UBXN6: variants seen among roughly 807,000 people sequenced by gnomAD.
UBXN6 encodes the protein UBX domain-containing protein 6.
UBXN6 carries 44 observed loss-of-function variants against 51.4 expected under a neutral mutation model. The observed-to-expected ratio is 0.86, with a 90% CI of 0.67 to 1.10. The LOEUF (loss-of-function observed/expected upper bound fraction) is 1.10. Ranked by LOEUF, UBXN6 falls within the 50% of genes least tolerant of loss-of-function variation. The pLI is 0.00. For synonymous variants in UBXN6, 316 were observed against 263.2 expected, an observed-to-expected ratio of 1.20 and a Z score of -1.94; for missense variants, 672 against 596.1, an observed-to-expected ratio of 1.13 and a Z score of -1.32.
At position 4,446,613 on chromosome 19, in the gene UBXN6, C is replaced by T; in HGVS notation, c.807G>A (p.Lys269=). The T allele has an allele frequency of 6.2e-7, 1 of 1,612,684 alleles. No individual in the cohort carries two copies. Among genetic ancestry groups the T allele is most frequent in the Non-Finnish European group, 8.5e-7 (1 of 1,179,868 alleles). The change falls in exon 8 of 11, where the codon AAG becomes AAA. Residue 269 remains lysine (K), a synonymous_variant. Coordinates refer to ENST00000301281, the MANE Select transcript of UBXN6 (RefSeq NM_025241.3). ...QLLAAEPVRA[K]LDRQRRVFQP... is the part of the protein sequence containing the mutation. Reference sequence around the variant, plus strand: ...GGAAGACGCGGCGCTGCCTGTCCAGCTTGGCGCGCACGGGCTCCGCAGCCA... The same window carrying T: ...GGAAGACGCGGCGCTGCCTGTCCAGTTTGGCGCGCACGGGCTCCGCAGCCA...
chr19:4,453,946 G>C lies in UBXN6; in HGVS notation c.231C>G (p.Asp77Glu), dbSNP rs747786324. Residue 77 changes from aspartate (D) to glutamate (E), a missense_variant, in exon 2 of 11, where the codon GAC becomes GAG. Asp to Glu is a conservative substitution (Grantham distance 45). Transcript: ENST00000301281. Reference sequence around the variant, plus strand: ...ATATCTCACCCTGGTTTCGGATGGTGTCCTGCGATGTGGGGCCCCAGGCCC... The same window carrying C: ...ATATCTCACCCTGGTTTCGGATGGTCTCCTGCGATGTGGGGCCCCAGGCCC... ...QSRAWGPTSQ[D>E]TIRNQVRKEL... 1 of 1,610,526 alleles carries C rather than the reference G, an allele frequency of 6.2e-7. No homozygotes were observed. The highest frequency in any genetic ancestry group is 1.1e-5 in the South Asian group (1 of 91,066).
rs1451733881 is a variant in UBXN6, at chr19:4,457,671, C to T, written c.27G>A (p.Lys9=). The T allele has an allele frequency of 2.5e-6, 4 of 1,599,230 alleles. No homozygotes were observed. Among genetic ancestry groups the T allele is most frequent in the South Asian group, 1.1e-5 (1 of 90,078 alleles). The change falls in exon 1 of 11, where the codon AAG becomes AAA. Residue 9 remains lysine (K), a synonymous_variant. Coordinates refer to ENST00000301281, the MANE Select transcript of UBXN6 (RefSeq NM_025241.3). The stretch of plus-strand genomic sequence containing the variant: ...CCGCGCTCTTGAACTTGATGTCGGC[C>T]TTGAACTCCTGAAAGAATTTCTTCA... MKKFFQEF[K]ADIKFKSAGP...
chr19:4,445,866 G>A, intron 10 of UBXN6, 183 bp downstream of exon 10: 1 of 1,091,606 alleles, frequency 9.2e-7, no homozygotes, highest in African/African-American at 1.6e-5. Flanking sequence ...GAGGCGTGGA[G>A]TAGTTATGAA....
rs1599674849 is a variant in UBXN6, at chr19:4,447,480, A to G, written c.615+70T>C. On this transcript the variant is annotated intron_variant, in intron 6 of 10. Transcript: ENST00000301281. Reference sequence around the variant, plus strand: ...GGGAGCCCACCGCCTGGTGTGGGCCACCACCGGCTCCTGCAGGCCAGCTGC... The same window carrying G: ...GGGAGCCCACCGCCTGGTGTGGGCCGCCACCGGCTCCTGCAGGCCAGCTGC... The G allele has an allele frequency of 4.5e-6, 7 of 1,565,808 alleles. No individual in the cohort carries two copies. The East Asian group carries it at 1.1e-4, about 25-fold the overall frequency.
At chr19:4,456,362 A>C (rs1264061769) in intron 1 of UBXN6, among the ~76,000 whole-genome samples, 1 of 108,722 alleles carries the variant, frequency 9.2e-6, no homozygotes, top group East Asian at 2.5e-4. Context: ...CCCTACCTCC[A>C]TCACCACCCC....
chr19:4,447,677 C>T lies in UBXN6; in HGVS notation c.540-52G>A, dbSNP rs1974566048. On this transcript the variant is annotated intron_variant, in intron 5 of 10. Coordinates refer to ENST00000301281, the MANE Select transcript of UBXN6 (RefSeq NM_025241.3). ...GGCACAGCCCAGGCTGCCCACCCGG[C>T]CCCTCTGTGCCTCCTGCTCCAGGTA... 6 of 1,572,890 alleles carry T rather than the reference C, an allele frequency of 3.8e-6. No homozygotes were observed. In the South Asian group the frequency reaches 5.5e-5, roughly 15 times the overall value.
intron 4 of UBXN6, 147 bp from the exon 5 acceptor site, chr19:4,448,562 G>C (rs769538645): frequency 2.9e-6 from 2 of 695,160 alleles, no homozygotes; most frequent in Non-Finnish European, 4.9e-6. Context: ...AAGGAAAAGA[G>C]AGACCCTCCA....
intron 5 of UBXN6, 139 bp from the exon 6 acceptor site, chr19:4,447,764 G>A (rs1974567924): frequency 3.7e-6 from 3 of 808,848 alleles, no homozygotes; most frequent in African/African-American, 3.4e-5. Context: ...TGACGCGAGG[G>A]CAGCAGACCA....
At chr19:4,454,519 C>CT in intron 1 of UBXN6, among the ~76,000 whole-genome samples, 1 of 152,280 alleles carries the variant, frequency 6.6e-6, no homozygotes, top group Middle Eastern at 3.4e-3. Flanking sequence ...AGCTCCCAGG[C>CT]TCAAGGAATC....
At position 4,452,364 on chromosome 19, in the gene UBXN6, C is replaced by A. The variant is rs1974666896; in HGVS notation, c.441G>T (p.Leu147Phe). The A allele has an allele frequency of 1.2e-6, 2 of 1,613,248 alleles. No individual in the cohort carries two copies. Among genetic ancestry groups the A allele is most frequent in the Admixed American group, 3.3e-5 (2 of 59,954 alleles). ...CAGGAGCACACAGGGTGCCACTCAC[C>A]AAGAGAATGGCCTCCTTGATGCAGG... ...RDACIKEAIL[L>F]HFSTDPVAAS... Residue 147 changes from leucine to phenylalanine, a missense_variant and splice_region_variant, in exon 4 of 11, where the codon TTG becomes TTT. Leu to Phe is a conservative substitution (Grantham distance 22, BLOSUM62 0). Transcript: ENST00000301281.
rs1176244424 is a variant in UBXN6 at position 4,446,908 on chromosome 19, A to G, written c.628T>C (p.Cys210Arg). 2 of 1,613,788 alleles carry G rather than the reference A, an allele frequency of 1.2e-6. No homozygotes were observed. Among genetic ancestry groups the G allele is most frequent in the Non-Finnish European group, 1.7e-6 (2 of 1,179,974 alleles). Residue 210 changes from cysteine (C) to arginine (R), a missense_variant, in exon 7 of 11, where the codon TGC (cysteine) becomes CGC (arginine). Transcript: ENST00000301281. ...QNKVFQERIN[C>R]LEGTHEFFEA... ...AAAAACTCGTGGGTCCCTTCCAGGC[A>G]GTTAATGCGCTCCTGGGGGTGGAGA...
chr19:4,446,325 T>A lies in UBXN6; in HGVS notation c.1009A>T (p.Thr337Ser). 1 of 1,575,082 alleles carries A rather than the reference T, an allele frequency of 6.3e-7. No individual in the cohort carries two copies. Among genetic ancestry groups the A allele is most frequent in the Non-Finnish European group, 8.6e-7 (1 of 1,166,422 alleles). The change falls in exon 9 of 11, where the codon ACG becomes TCG. Residue 337 changes from threonine (T) to serine (S), a missense_variant. Coordinates refer to ENST00000301281, the MANE Select transcript of UBXN6 (RefSeq NM_025241.3). ...TCGGGGAGGCGCACGCGCAGCAGCG[T>A]GTAGTTGTACTTGCGCAGCCCCCGC... is the stretch of plus-strand genomic sequence containing the variant. ...EQRGLRKYNY[T>S]LLRVRLPDGC...
intron 10 of UBXN6, 137 bp downstream of exon 10, chr19:4,445,909 AAGC>A (rs1370836534): frequency 7.3e-7 from 1 of 1,363,954 alleles, no homozygotes; most frequent in Non-Finnish European, 9.8e-7. Context: ...GTAAGTGGGA[AAGC>A]AGGATTCAAA....
chr19:4,455,293 T>C, intron 1 of UBXN6: 1 of 985,496 alleles, frequency 1.0e-6, no homozygotes, highest in Non-Finnish European at 1.2e-6. Flanking sequence ...TCAAGCCCTA[T>C]ACTCCTCTGG....
Position 4,446,082 on chromosome 19 carries a change from C to T in UBXN6, c.1167G>A (p.Glu389=), listed in dbSNP as rs1338354377. The T allele has an allele frequency of 2.5e-6, 4 of 1,612,722 alleles. No homozygotes were observed. The East Asian group carries it at 6.7e-5, about 27-fold the overall frequency. ...LLASGGQKLS[E]DENLALNECG... The stretch of plus-strand genomic sequence containing the variant: ...ACTCGTTCAAGGCCAGGTTCTCGTC[C>T]TCGGACAGCTTCTGCCCTCCCGAGG... The change falls in exon 10 of 11, where the codon GAG becomes GAA. Residue 389 remains glutamate (E), a synonymous_variant. Transcript: ENST00000301281.
chr19:4,457,410 G>GC (rs1974753875), intron 1 of UBXN6, among the ~76,000 whole-genome samples: 1 of 86,916 alleles, frequency 1.2e-5, no homozygotes, highest in Non-Finnish European at 2.2e-5. Flanking sequence ...CTCCTGCCCC[G>GC]CCCCCAGATC....
At chr19:4,456,537 G>A (rs950535066) in intron 1 of UBXN6, among the ~76,000 whole-genome samples, 3 of 151,574 alleles carry the variant, frequency 2.0e-5, no homozygotes, top group Admixed American at 6.6e-5. Flanking sequence ...TGGCCAGCCA[G>A]CTCCCTGCAG....
At chr19:4,454,498 C>T (rs1458760203) in intron 1 of UBXN6, among the ~76,000 whole-genome samples, 1 of 152,190 alleles carries the variant, frequency 6.6e-6, no homozygotes, top group Non-Finnish European at 1.5e-5. Context: ...TCATGGCTTA[C>T]TGCAATCCTG....
In UBXN6 at chr19:4,445,864, G is replaced by A. The variant is rs772242326; in HGVS notation, c.1200+185C>T. The stretch of plus-strand genomic sequence containing the variant: ...CATTTGATGGGGAAACTGAGGCGTG[G>A]AGTAGTTATGAACTTGCTCGAGGCC... On this transcript the variant is annotated intron_variant, in intron 10 of 10. Transcript: ENST00000301281. 73 of 1,079,064 alleles carry A rather than the reference G, an allele frequency of 6.8e-5. 2 individuals are homozygous for A. In the South Asian group the frequency reaches 1.1e-3, roughly 16 times the overall value. The allele number at this position is 1,079,064 out of a possible 1,614,324, so 66.8% of individuals were successfully genotyped here.
Sources: allele counts gnomAD v4.1 joint callset (sites outside exome capture counted in the v4.1 genomes callset), GRCh38; gene constraint gnomAD v4.1.1; transcripts MANE v1.5; gene names NCBI Gene and HGNC (gene_info 2026-07-23, HGNC 2026-07-21).